PKHD1: variants seen among roughly 807,000 people sequenced by gnomAD.
The protein encoded by PKHD1 is PKHD1 ciliary IPT domain containing fibrocystin/polyductin.
Under a neutral mutation model 412.0 loss-of-function variants are expected in PKHD1, and 291 were observed. The observed-to-expected ratio is 0.71, with a 90% CI of 0.64 to 0.78. The LOEUF (loss-of-function observed/expected upper bound fraction) is 0.78, where lower values mean the gene tolerates loss of function less well. PKHD1 is among the 30% of genes least tolerant of loss of function. The pLI is 0.00. For synonymous variants in PKHD1, 1,777 were observed against 1,821.5 expected (o/e 0.98, Z 0.62); for missense variants, 4,825 against 4,950.7 (o/e 0.97, Z 0.76).
chr6:51,704,894 G>A (rs1327631471), intron 60 of PKHD1, among the ~76,000 whole-genome samples: 1 of 151,754 alleles, frequency 6.6e-6, no homozygotes, highest in Non-Finnish European at 1.5e-5. Context: ...AAAAGGAGAA[G>A]GCAGTTAAAG....
intron 11 of PKHD1, among the ~76,000 whole-genome samples, chr6:52,067,560 T>C (rs570997058): frequency 6.6e-6 from 1 of 152,154 alleles, no homozygotes; most frequent in African/African-American, 2.4e-5. Flanking sequence ...TTAGAGAGTA[T>C]ATGAAAGAAT....
intron 36 of PKHD1, among the ~76,000 whole-genome samples, chr6:51,946,238 T>A (rs548352948): frequency 1.3e-5 from 2 of 152,294 alleles, no homozygotes; most frequent in African/African-American, 4.8e-5. Context: ...AGGAGTGTCA[T>A]AAACAGGACT....
intron 22 of PKHD1, among the ~76,000 whole-genome samples, chr6:52,049,874 A>G (rs1409009211): frequency 6.6e-6 from 1 of 152,210 alleles, no homozygotes; most frequent in African/African-American, 2.4e-5. Flanking sequence ...ATTAGTTCTC[A>G]AAGCGTAGTC....
chr6:51,720,985 G>T, intron 60 of PKHD1: 1 of 983,884 alleles, frequency 1.0e-6, no homozygotes, highest in Non-Finnish European at 1.2e-6. Context: ...GGCAGCAAAG[G>T]TAGCAATTTT....
In PKHD1 at chr6:52,043,852, T is replaced by C. The variant is rs1320208718; in HGVS notation, c.2716-122A>G. ...TCATGATTCGCTAATTCTTATTCCT[T>C]TTTTCTATTTTTCCAGTAATTAATC... On this transcript the variant is annotated intron_variant, in intron 25 of 66. Coordinates refer to ENST00000371117, the MANE Select transcript of PKHD1 (RefSeq NM_138694.4). 3 of 674,626 alleles carry C rather than the reference T, an allele frequency of 4.4e-6. No homozygotes were observed. The African/African-American group carries it at 5.4e-5, about 12-fold the overall frequency. 41.8% of individuals were successfully genotyped at this position (674,626 alleles called of 1,614,324 possible). A position where few individuals can be genotyped will look rare whatever the true frequency, so the allele number is the denominator to read the frequency against.
intron 43 of PKHD1, among the ~76,000 whole-genome samples, chr6:51,896,438 C>T (rs1032391544): frequency 5.3e-5 from 8 of 151,908 alleles, no homozygotes; most frequent in Admixed American, 3.9e-4. Context: ...CTCCAACAGA[C>T]CTGCAGCTGA....
intron 47 of PKHD1, among the ~76,000 whole-genome samples, chr6:51,869,841 A>G (rs1166981319): frequency 6.6e-6 from 1 of 152,108 alleles, no homozygotes; most frequent in Non-Finnish European, 1.5e-5. Flanking sequence ...AAAACAAACA[A>G]TTATCTAAAT....
In PKHD1 at chr6:52,028,221, G is replaced by A; in HGVS notation, c.3495C>T (p.Pro1165=). 1 of 1,614,188 alleles carries A rather than the reference G, an allele frequency of 6.2e-7. No individual in the cohort carries two copies. The highest frequency in any genetic ancestry group is 8.5e-7 in the Non-Finnish European group (1 of 1,180,020). ...QSAWGLEVAL[P]PLPAGLHRIS... is the part of the protein sequence containing the mutation. ...TTCTGTGGAGACCAGCTGGCAGTGG[G>A]GGCAGTGCCACCTCCAGGCCCCAAG... The change falls in exon 30 of 67, where the codon CCC becomes CCT. Residue 1165 remains proline, a synonymous_variant. Coordinates refer to ENST00000371117, the MANE Select transcript of PKHD1 (RefSeq NM_138694.4).
chr6:51,801,463 G>T (rs1762896510), intron 52 of PKHD1, among the ~76,000 whole-genome samples: 1 of 152,042 alleles, frequency 6.6e-6, no homozygotes, highest in African/African-American at 2.4e-5. Context: ...TTTATAGTCT[G>T]CCTTTTTCAT....
At chr6:51,942,410 A>G (rs986751762) in intron 36 of PKHD1, among the ~76,000 whole-genome samples, 2 of 151,650 alleles carry the variant, frequency 1.3e-5, no homozygotes, top group African/African-American at 4.8e-5. Context: ...ACCATAAACT[A>G]TGCTTAACTC....
chr6:51,677,670 C>T (rs1562083818), intron 60 of PKHD1, among the ~76,000 whole-genome samples: 2 of 152,078 alleles, frequency 1.3e-5, no homozygotes. Flanking sequence ...TGTTAAAGGC[C>T]TTTCTGTCTC....
intron 53 of PKHD1, among the ~76,000 whole-genome samples, chr6:51,784,657 CTG>C (rs1183915364): frequency 1.3e-5 from 2 of 152,122 alleles, no homozygotes; most frequent in African/African-American, 4.8e-5. Flanking sequence ...GAAAGCAACA[CTG>C]TATATCTCAA....
chr6:52,021,967 A>G (rs79650009), intron 33 of PKHD1, among the ~76,000 whole-genome samples: 36 of 152,366 alleles, frequency 2.4e-4, no homozygotes, highest in Non-Finnish European at 1.6e-4. Context: ...GGAGGTATGT[A>G]AACGGTTAAG....
At position 51,746,548 on chromosome 6, in the gene PKHD1, G is replaced by T. The variant is rs139531083; in HGVS notation, c.9998+173C>A. ...ATATTTTAAAAATCATATATCACAA[G>T]GCGTGAATATAGGAGGGGTAAAGAA... On this transcript the variant is annotated intron_variant, in intron 59 of 66. Coordinates refer to ENST00000371117, the MANE Select transcript of PKHD1 (RefSeq NM_138694.4). Among the ~76,000 whole-genome samples the T allele has an allele frequency of 2.9e-3, 438 of 152,182 alleles. 2 individuals carry two copies. The highest frequency in any genetic ancestry group is 1.0e-2 in the African/African-American group (415 of 41,536).
intron 3 of PKHD1, 96 bp from the exon 4 acceptor site, chr6:52,082,638 T>A: frequency 8.1e-7 from 1 of 1,235,896 alleles, no homozygotes; most frequent in East Asian, 2.4e-5. Flanking sequence ...ATGTAAGACA[T>A]TAAATTTGCC....
At chr6:51,675,213 T>G (rs897111947) in intron 60 of PKHD1, among the ~76,000 whole-genome samples, 1 of 152,146 alleles carries the variant, frequency 6.6e-6, no homozygotes, top group Non-Finnish European at 1.5e-5. Context: ...ACTTCAGAGC[T>G]CAATCCTCAG....
At chr6:51,840,902 T>C (rs563496655) in intron 50 of PKHD1, among the ~76,000 whole-genome samples, 120 of 152,326 alleles carry the variant, frequency 7.9e-4, no homozygotes, top group African/African-American at 2.4e-3. Flanking sequence ...TTTTAGTATC[T>C]ATACATTGTA....
intron 53 of PKHD1, among the ~76,000 whole-genome samples, chr6:51,776,453 C>A (rs1368549128): frequency 6.6e-6 from 1 of 151,972 alleles, no homozygotes; most frequent in African/African-American, 2.4e-5. Flanking sequence ...ACAAATATTT[C>A]TTGATGTAAA....
intron 35 of PKHD1, among the ~76,000 whole-genome samples, chr6:51,976,573 C>T (rs79347908): frequency 0.057 from 8,656 of 152,156 alleles, 260 homozygotes; most frequent in East Asian, 0.13. Flanking sequence ...GTGACGGTTA[C>T]GCAACAATCT....
Sources: gnomAD v4.1 joint callset for allele counts (sites outside exome capture counted in the v4.1 genomes callset) on GRCh38, gnomAD v4.1.1 for gene constraint, MANE v1.5 for transcripts, NCBI Gene and HGNC (gene_info 2026-07-23, HGNC 2026-07-21) for gene names.